DOCK10: variants seen among roughly 807,000 people sequenced by gnomAD.
DOCK10 encodes dedicator of cytokinesis protein 10.
Under a neutral mutation model 280.1 loss-of-function variants are expected in DOCK10, and 145 were observed. The observed-to-expected ratio is 0.52, with a 90% CI of 0.45 to 0.59. DOCK10 has a LOEUF of 0.59. Among genes scored for constraint, DOCK10 ranks in the 20% least tolerant of loss-of-function variants. DOCK10 has a pLI of 0.00. For missense variants in DOCK10, 2,368 were observed against 2,651.7 expected, an observed-to-expected ratio of 0.89 and a Z score of 2.35; for synonymous variants, 915 against 942.2, an observed-to-expected ratio of 0.97 and a Z score of 0.53.
chr2:224,809,524 C>G (rs566217311), intron 31 of DOCK10, among the ~76,000 whole-genome samples: 1 of 151,918 alleles, frequency 6.6e-6, no homozygotes, highest in African/African-American at 2.4e-5. Context: ...AAAAACAACC[C>G]GCCAAGTTTT....
At position 224,797,125 on chromosome 2, in the gene DOCK10, C is replaced by G. The variant is rs745656396; in HGVS notation, c.4666G>C (p.Gly1556Arg). Residue 1556 changes from glycine to arginine, a missense_variant, in exon 43 of 56, where the codon GGG (glycine) becomes CGG (arginine). Coordinates refer to ENST00000258390, the MANE Select transcript of DOCK10 (RefSeq NM_014689.3). ...AATGATCCACAGAGGTCAGCAGGCC[C>G]TTGAAAGAACGCTGAAGGAAACTGC... ...VCKFPSAFFQ[G>R]PADLCGSFCY... 4 of 1,605,646 alleles carry G rather than the reference C, an allele frequency of 2.5e-6. No homozygotes were observed. The African/African-American group carries it at 5.4e-5, about 22-fold the overall frequency.
intron 7 of DOCK10, among the ~76,000 whole-genome samples, chr2:224,884,656 T>C (rs1699172311): frequency 6.6e-6 from 1 of 152,194 alleles, no homozygotes; most frequent in Admixed American, 6.5e-5. Flanking sequence ...CAAGAGCTTA[T>C]AGAGAACATT....
chr2:224,935,524 G>A (rs1216091109), intron 1 of DOCK10, among the ~76,000 whole-genome samples: 1 of 152,144 alleles, frequency 6.6e-6, no homozygotes, highest in Non-Finnish European at 1.5e-5. Context: ...CAGAATTCCT[G>A]GGATTCCAGT....
intron 1 of DOCK10, among the ~76,000 whole-genome samples, chr2:225,036,916 T>C (rs1690275972): frequency 6.6e-6 from 1 of 151,692 alleles, no homozygotes; most frequent in Admixed American, 6.6e-5. Context: ...TTTTTTTTTC[T>C]GGCTAATATT....
At chr2:224,939,820 T>C (rs1702914622) in intron 1 of DOCK10, among the ~76,000 whole-genome samples, 1 of 152,234 alleles carries the variant, frequency 6.6e-6, no homozygotes, top group Non-Finnish European at 1.5e-5. Context: ...ACAATAGGCA[T>C]TTTATAATTT....
intron 11 of DOCK10, among the ~76,000 whole-genome samples, chr2:224,867,240 C>A (rs534069162): frequency 6.6e-6 from 1 of 152,288 alleles, no homozygotes; most frequent in African/African-American, 2.4e-5. Context: ...GTAAGTAGGT[C>A]CTCCAACAGT....
rs764313897 is a variant in DOCK10, at chr2:224,857,028, A to T, written c.1686-46T>A. The T allele has an allele frequency of 8.0e-6, 12 of 1,500,424 alleles. No homozygotes were observed. In the South Asian group the frequency reaches 1.6e-4, roughly 20 times the overall value. The allele number at this position is 1,500,424 out of a possible 1,614,324, so 92.9% of individuals were successfully genotyped here. The stretch of plus-strand genomic sequence containing the variant: ...AGGTTGGTAGTTGGATATTGTTTAT[A>T]AAGTTGTGTTTTTAACGTGACTATA... On this transcript the variant is annotated intron_variant, in intron 14 of 55. Transcript: ENST00000258390.
At chr2:225,005,168 C>G (rs763004992) in intron 1 of DOCK10, among the ~76,000 whole-genome samples, 2 of 152,170 alleles carry the variant, frequency 1.3e-5, no homozygotes, top group African/African-American at 2.4e-5. Flanking sequence ...CAGAGTAGTA[C>G]AGCTGCCACA....
chr2:225,016,969 C>T (rs970633304), intron 1 of DOCK10, among the ~76,000 whole-genome samples: 15 of 151,970 alleles, frequency 9.9e-5, no homozygotes, highest in African/African-American at 2.9e-4. Context: ...GTGATCCACC[C>T]GCTTTGGCCT....
chr2:225,006,897 C>A (rs1170909360), intron 1 of DOCK10, among the ~76,000 whole-genome samples: 1 of 152,206 alleles, frequency 6.6e-6, no homozygotes, highest in Non-Finnish European at 1.5e-5. Context: ...AGGACTTGAA[C>A]TTCAAGCCAT....
intron 4 of DOCK10, among the ~76,000 whole-genome samples, chr2:224,892,918 T>C (rs1333124681): frequency 6.6e-6 from 1 of 152,262 alleles, no homozygotes; most frequent in Non-Finnish European, 1.5e-5. Flanking sequence ...CTTCTCTCTT[T>C]TAAAGGTCAT....
At chr2:224,844,982 T>G (rs1302851603) in intron 21 of DOCK10, 143 bp from the exon 22 acceptor site, 8 of 800,544 alleles carry the variant, frequency 1.0e-5, no homozygotes, top group African/African-American at 1.7e-5. Flanking sequence ...GCAAATACAT[T>G]TAGCACTATT....
intron 1 of DOCK10, chr2:224,982,527 T>C: frequency 8.2e-7 from 1 of 1,222,324 alleles, no homozygotes; most frequent in African/African-American, 1.6e-5. Flanking sequence ...CCAAATAGCT[T>C]GGATGCAGAG....
At chr2:224,911,442 TG>T (rs1701006249) in intron 3 of DOCK10, among the ~76,000 whole-genome samples, 1 of 152,158 alleles carries the variant, frequency 6.6e-6, no homozygotes, top group Non-Finnish European at 1.5e-5. Context: ...AAGTCTCTTG[TG>T]TTGTATGGAT....
intron 1 of DOCK10, among the ~76,000 whole-genome samples, chr2:225,004,038 G>A (rs1379064252): frequency 3.3e-5 from 5 of 152,242 alleles, no homozygotes; most frequent in Admixed American, 1.3e-4. Flanking sequence ...GCATTTTCTC[G>A]TTTCGTTTTG....
At chr2:224,776,464 C>T (rs946762373) in intron 51 of DOCK10, among the ~76,000 whole-genome samples, 1 of 152,104 alleles carries the variant, frequency 6.6e-6, no homozygotes, top group Non-Finnish European at 1.5e-5. Context: ...TCTGTGTATA[C>T]TTTCTACCTA....
chr2:225,042,120 G>C lies in DOCK10; in HGVS notation c.123+132C>G, dbSNP rs1464707466. 9.3e-7 allele frequency: 1 copy of C among 1,078,094 alleles called. No individual in the cohort carries two copies. The highest frequency in any genetic ancestry group is 1.6e-5 in the African/African-American group (1 of 60,888). The allele number at this position is 1,078,094 out of a possible 1,614,324, so 66.8% of individuals were successfully genotyped here. On this transcript the variant is annotated intron_variant, in intron 1 of 55. Coordinates refer to ENST00000258390, the MANE Select transcript of DOCK10 (RefSeq NM_014689.3). This position sits in a 1 kb window ranked among gnomAD's most constrained non-coding sequence, Gnocchi z 5.1. ...CCGGGGGAGCCCGCAGAGGCGGCGG[G>C]GGAGGGAGTGCGGAGGAGAGGACCC...
rs181424373 is a variant in DOCK10, at chr2:224,859,429, C to T, written c.1686-2447G>A. On this transcript the variant is annotated intron_variant, in intron 14 of 55. Coordinates refer to ENST00000258390, the MANE Select transcript of DOCK10 (RefSeq NM_014689.3). ...ACATTTGGAAGGGTCAATTTTCTCC[C>T]GAGTCAATGAGTATAAAATACCCTG... Among the ~76,000 whole-genome samples the T allele has an allele frequency of 4.7e-3, 716 of 152,168 alleles. 5 individuals are homozygous for T. The highest frequency in any genetic ancestry group is 9.1e-3 in the Admixed American group (139 of 15,290).
intron 50 of DOCK10, among the ~76,000 whole-genome samples, chr2:224,783,145 T>A (rs1020292198): frequency 6.6e-6 from 1 of 152,206 alleles, no homozygotes; most frequent in Non-Finnish European, 1.5e-5. Flanking sequence ...TTGCTGCTTA[T>A]CAGGATGACC....
Sources: gnomAD v4.1 joint callset for allele counts (sites outside exome capture counted in the v4.1 genomes callset) on GRCh38, gnomAD v4.1.1 for gene constraint, Gnocchi (gnomAD v3.1) non-coding constraint, MANE v1.5 for transcripts, NCBI Gene and HGNC (gene_info 2026-07-23, HGNC 2026-07-21) for gene names.